The following CCN4 variants were observed in gnomAD, a reference collection of about 807,000 sequenced individuals.
The protein encoded by CCN4 is cellular communication network factor 4, also known as CCN family member 4.
A neutral mutation model predicts 36.7 loss-of-function variants in CCN4; 30 were observed. That is an observed-to-expected ratio of 0.82 (90% CI 0.61 to 1.11). The LOEUF (loss-of-function observed/expected upper bound fraction) is 1.11, where lower values mean the gene tolerates loss of function less well. Ranked by LOEUF, CCN4 falls within the 50% of genes least tolerant of loss-of-function variation. The pLI, the probability that CCN4 is intolerant of heterozygous loss-of-function variation, is 0.00. For missense variants in CCN4, 505 were observed against 504.9 expected (o/e 1.00, Z 0.00); for synonymous variants, 191 against 195.4 (o/e 0.98, Z 0.19).
intron 1 of CCN4, among the ~76,000 whole-genome samples, chr8:133,194,474 T>TA: frequency 1.3e-5 from 1 of 77,206 alleles, no homozygotes; most frequent in Non-Finnish European, 2.4e-5. Flanking sequence ...GGGGTGTGTG[T>TA]GTGTGTGGTG....
At chr8:133,193,950 G>A (rs1306940338) in intron 1 of CCN4, among the ~76,000 whole-genome samples, 3 of 152,240 alleles carry the variant, frequency 2.0e-5, no homozygotes, top group African/African-American at 2.4e-5. Flanking sequence ...TGGCTGTGTC[G>A]GCCGCACTAA....
rs745423925 is a variant in CCN4, at chr8:133,191,188, C to A, written c.44C>A (p.Ala15Glu). The A allele has an allele frequency of 6.2e-7, 1 of 1,605,102 alleles. No individual in the cohort carries two copies. Among genetic ancestry groups the A allele is most frequent in the Non-Finnish European group, 8.5e-7 (1 of 1,179,528 alleles). Residue 15 changes from alanine to glutamate, a missense_variant, in exon 1 of 5, where the codon GCA becomes GAA. Physicochemically the swap from Ala to Glu is moderately radical, Grantham distance 107. Coordinates refer to ENST00000250160, the MANE Select transcript of CCN4 (RefSeq NM_003882.4). The stretch of plus-strand genomic sequence containing the variant: ...TGGACGCTGGCAGCAGTGACAGCAG[C>A]AGCCGCCAGCACCGTCCTGGCCACG... Reference protein sequence around the residue: ...LPWTLAAVTAAAASTVLATAL... With the variant: ...LPWTLAAVTAEAASTVLATAL...
intron 2 of CCN4, among the ~76,000 whole-genome samples, chr8:133,220,182 G>A (rs1854465617): frequency 6.6e-6 from 1 of 150,610 alleles, no homozygotes; most frequent in Non-Finnish European, 1.5e-5. Flanking sequence ...CACGTGTTTC[G>A]AAGTGTTCTG....
intron 2 of CCN4, among the ~76,000 whole-genome samples, chr8:133,213,592 T>A (rs887324083): frequency 2.0e-5 from 3 of 151,660 alleles, no homozygotes; most frequent in African/African-American, 7.3e-5. Context: ...ATCAGCAGCC[T>A]GCAGTCATCC....
In CCN4 at chr8:133,227,576, T is replaced by C. The variant is rs200845163; in HGVS notation, c.970T>C (p.Cys324Arg). Residue 324 changes from cysteine (C) to arginine (R), a missense_variant, in exon 5 of 5, where the codon TGT (cysteine) becomes CGT (arginine). Cys to Arg is a radical substitution (Grantham distance 180, BLOSUM62 -3). Coordinates refer to ENST00000250160, the MANE Select transcript of CCN4 (RefSeq NM_003882.4). ...TAAGACTATCGACGTGTCCTTCCAG[T>C]GTCCTGATGGGCTTGGCTTCTCCCG... ...KSKTIDVSFQ[C>R]PDGLGFSRQV... 7.4e-5 allele frequency: 120 copies of C among 1,614,112 alleles called. No individual in the cohort carries two copies. Among genetic ancestry groups the C allele is most frequent in the Admixed American group, 1.5e-4 (9 of 60,008 alleles).
chr8:133,220,809 G>T lies in CCN4; in HGVS notation c.578G>T (p.Arg193Leu), dbSNP rs1261414685. ...WVCEDDAKRPRKTAPRDTGAF... is the reference protein window; with the variant it reads ...WVCEDDAKRPLKTAPRDTGAF... ...TGTGAGGACGACGCCAAGAGGCCAC[G>T]CAAGACCGCACCCCGTGACACAGGA... is the stretch of plus-strand genomic sequence containing the variant. Residue 193 changes from arginine to leucine, a missense_variant, in exon 3 of 5, where the codon CGC becomes CTC. Arg to Leu is a moderately radical substitution (Grantham distance 102). Coordinates refer to ENST00000250160, the MANE Select transcript of CCN4 (RefSeq NM_003882.4). The T allele has an allele frequency of 1.2e-6, 2 of 1,608,206 alleles. No individual in the cohort carries two copies. The highest frequency in any genetic ancestry group is 1.7e-5 in the Admixed American group (1 of 59,938).
chr8:133,231,637 A>G lies in CCN4; in HGVS notation c.*3927A>G, dbSNP rs1161897326. ...GGCTTTTCTTGTACAGGCAGTTGTT[A>G]TGAGACAATGATGGAGCATTGAGCA... is the stretch of plus-strand genomic sequence containing the variant. On this transcript the variant is annotated 3_prime_UTR_variant, in exon 5 of 5. Transcript: ENST00000250160. 1 of 152,196 alleles carries G rather than the reference A, an allele frequency of 6.6e-6. No homozygotes were observed. The highest frequency in any genetic ancestry group is 1.5e-5 in the Non-Finnish European group (1 of 68,034). 9.4% of individuals were successfully genotyped at this position (152,196 alleles called of 1,614,324 possible).
intron 1 of CCN4, among the ~76,000 whole-genome samples, chr8:133,191,456 T>C (rs1272633380): frequency 6.6e-6 from 1 of 152,058 alleles, no homozygotes; most frequent in Non-Finnish European, 1.5e-5. Flanking sequence ...CAGCCTGCCC[T>C]CTCTCCCCAC....
rs1854690554 is a variant in CCN4, at chr8:133,225,396, T to A, written c.617T>A (p.Val206Glu). The A allele has an allele frequency of 6.3e-7, 1 of 1,598,856 alleles. No homozygotes were observed. The change falls in exon 4 of 5, where the codon GTG (valine) becomes GAG (glutamate). Residue 206 changes from valine to glutamate, a missense_variant. Transcript: ENST00000250160. ...TTCTGTTCCCCACACACAGATGCTGTGGGTGAGGTGGAGGCATGGCACAGG... is the reference window on the plus strand; with the variant it reads ...TTCTGTTCCCCACACACAGATGCTGAGGGTGAGGTGGAGGCATGGCACAGG... ...APRDTGAFDA[V>E]GEVEAWHRNC...
intron 1 of CCN4, among the ~76,000 whole-genome samples, chr8:133,207,419 C>A (rs138436541): frequency 2.0e-5 from 3 of 152,324 alleles, no homozygotes; most frequent in Non-Finnish European, 4.4e-5. Context: ...GCTCCCAGCC[C>A]CCATGAAATA....
intron 1 of CCN4, among the ~76,000 whole-genome samples, chr8:133,202,744 A>G (rs1029921193): frequency 8.5e-5 from 13 of 152,176 alleles, no homozygotes; most frequent in African/African-American, 2.9e-4. Flanking sequence ...AGAGCTTTCA[A>G]AGGTGATCTA....
intron 1 of CCN4, among the ~76,000 whole-genome samples, chr8:133,211,580 G>A (rs1190673436): frequency 6.6e-6 from 1 of 152,164 alleles, no homozygotes; most frequent in Non-Finnish European, 1.5e-5. Context: ...GCTCAGCACC[G>A]GAGCCTGGTG....
chr8:133,225,802 A>C (rs1233943817), intron 4 of CCN4, among the ~76,000 whole-genome samples: 3 of 152,134 alleles, frequency 2.0e-5, no homozygotes, highest in Non-Finnish European at 4.4e-5. Context: ...TCATATTATT[A>C]GAATCAGGAT....
At chr8:133,194,958 G>A (rs1198914065) in intron 1 of CCN4, among the ~76,000 whole-genome samples, 1 of 142,416 alleles carries the variant, frequency 7.0e-6, no homozygotes, top group Non-Finnish European at 1.5e-5. Flanking sequence ...TGGTGTCTGT[G>A]TATGTGTGTG....
chr8:133,220,909 T>C, intron 3 of CCN4, 68 bp downstream of exon 3: 1 of 1,524,944 alleles, frequency 6.6e-7, no homozygotes, highest in Non-Finnish European at 8.8e-7. Context: ...CCTGGAACTC[T>C]GACCACCATA....
chr8:133,211,094 C>G (rs906176686), intron 1 of CCN4, among the ~76,000 whole-genome samples: 4 of 152,192 alleles, frequency 2.6e-5, no homozygotes, highest in African/African-American at 9.7e-5. Flanking sequence ...CAGACTAATT[C>G]AGAAATTCAT....
At chr8:133,210,359 A>G (rs1853962059) in intron 1 of CCN4, among the ~76,000 whole-genome samples, 1 of 151,208 alleles carries the variant, frequency 6.6e-6, no homozygotes, top group Non-Finnish European at 1.5e-5. Flanking sequence ...TAACAAGGAA[A>G]TGTCTCTCCC....
intron 1 of CCN4, among the ~76,000 whole-genome samples, chr8:133,208,351 A>T (rs1444141934): frequency 6.6e-6 from 1 of 152,176 alleles, no homozygotes; most frequent in Non-Finnish European, 1.5e-5. Flanking sequence ...AGAGGAGAAG[A>T]CAGGCTCAGA....
At chr8:133,199,956 C>T (rs770242465) in intron 1 of CCN4, among the ~76,000 whole-genome samples, 2 of 152,110 alleles carry the variant, frequency 1.3e-5, no homozygotes, top group African/African-American at 2.4e-5. Context: ...ACTGAGGCGC[C>T]GAGAGTTTTA....
Sources: gnomAD v4.1 joint callset for allele counts (sites outside exome capture counted in the v4.1 genomes callset) on GRCh38, gnomAD v4.1.1 for gene constraint, MANE v1.5 for transcripts, NCBI Gene and HGNC (gene_info 2026-07-23, HGNC 2026-07-21) for gene names.